Variants in FAM186B observed in about 807,000 individuals in gnomAD.
FAM186B encodes family with sequence similarity 186 member B.
FAM186B carries 68 observed loss-of-function variants against 83.4 expected under a neutral mutation model. The ratio of observed to expected loss-of-function variants is 0.81; its 90% CI spans 0.67 to 1.00. The LOEUF is 1.00. FAM186B is among the 50% of genes least tolerant of loss of function. FAM186B has a pLI of 0.00. For missense variants in FAM186B, 983 were observed against 1,099.2 expected (o/e 0.89, Z 1.49); for synonymous variants, 389 against 422.0 (o/e 0.92, Z 0.96).
chr12:49,620,504 C>T, the FAM186B span, among the ~76,000 whole-genome samples: 3 of 150,480 alleles, frequency 2.0e-5, no homozygotes, highest in South Asian at 4.2e-4. Flanking sequence ...CCCATCTCTA[C>T]TAAAAATACA....
At chr12:49,591,431 C>T (rs1425791472) in intron 5 of FAM186B, among the ~76,000 whole-genome samples, 1 of 152,134 alleles carries the variant, frequency 6.6e-6, no homozygotes, top group East Asian at 1.9e-4. Context: ...GAAAAAGCTG[C>T]CCACCTAGAA....
Position 49,603,224 on chromosome 12 carries a change from A to G in FAM186B, c.466T>C (p.Cys156Arg). The G allele has an allele frequency of 6.2e-7, 1 of 1,614,210 alleles. No homozygotes were observed. Among genetic ancestry groups the G allele is most frequent in the Non-Finnish European group, 8.5e-7 (1 of 1,180,050 alleles). ...TTTTGTCCTTCAATGAGAGTGGAGC[A>G]AAGGGCAGTGAGTGACTCGATGCCT... ...KRGIESLTAL[C>R]STLIEGQKKR... is the part of the protein sequence containing the mutation. Residue 156 changes from cysteine to arginine, a missense_variant, in exon 3 of 7, where the codon TGC becomes CGC. Cys to Arg is a radical substitution (Grantham distance 180, BLOSUM62 -3). Transcript: ENST00000257894.
intron 1 of FAM186B, 67 bp from the exon 2 acceptor site, chr12:49,604,605 C>T (rs1161135460): frequency 1.0e-5 from 14 of 1,387,348 alleles, no homozygotes; most frequent in East Asian, 4.6e-5. Context: ...ATGCTAGCAG[C>T]GTGACCTTGG....
chr12:49,619,026 A>G, the FAM186B span, among the ~76,000 whole-genome samples: 1 of 152,262 alleles, frequency 6.6e-6, no homozygotes, highest in African/African-American at 2.4e-5. Flanking sequence ...AAGGCTTCAG[A>G]CTTCTCATTC....
At chr12:49,605,021 T>C (rs1410370165) in intron 1 of FAM186B, among the ~76,000 whole-genome samples, 1 of 152,136 alleles carries the variant, frequency 6.6e-6, no homozygotes, top group African/African-American at 2.4e-5. Context: ...CCAACCCCTA[T>C]GAACTTCCTG....
At chr12:49,589,686 A>G (rs1220733740) in intron 5 of FAM186B, among the ~76,000 whole-genome samples, 1 of 152,116 alleles carries the variant, frequency 6.6e-6, no homozygotes, top group Non-Finnish European at 1.5e-5. Context: ...CTATATATCT[A>G]TAATAAAGAA....
At chr12:49,588,906 G>A (rs1317868259) in intron 5 of FAM186B, among the ~76,000 whole-genome samples, 1 of 152,228 alleles carries the variant, frequency 6.6e-6, no homozygotes, top group African/African-American at 2.4e-5. Context: ...TGAAACCAGA[G>A]CAGCTGGAAC....
At chr12:49,587,482 TG>T, downstream of FAM186B, 1 of 1,374,142 alleles carries the variant, frequency 7.3e-7, no homozygotes, top group Non-Finnish European at 1.0e-6. Context: ...CTATCTGGTG[TG>T]GGATAGCAAA....
At position 49,588,585 on chromosome 12, in the gene FAM186B, C is replaced by T. The variant is rs759324336; in HGVS notation, c.2403G>A (p.Glu801=). The stretch of plus-strand genomic sequence containing the variant: ...ATTTCTTTGGCTTTGGCGAGGTGAC[C>T]TCAGGGATGTTCAGGTGAACGTTCC... The part of the protein sequence containing the change: ...LEWNVHLNIP[E]VTSPKPKKCK... Residue 801 remains glutamate, a synonymous_variant, in exon 6 of 7, where the codon GAG becomes GAA. Coordinates refer to ENST00000257894, the MANE Select transcript of FAM186B (RefSeq NM_032130.3). 6.2e-6 allele frequency: 10 copies of T among 1,605,724 alleles called. No homozygotes were observed. The highest frequency in any genetic ancestry group is 8.5e-6 in the Non-Finnish European group (10 of 1,174,734).
intron 5 of FAM186B, among the ~76,000 whole-genome samples, chr12:49,596,278 C>A (rs1939721495): frequency 7.9e-6 from 1 of 126,182 alleles, no homozygotes. Context: ...ATAGGCAGAG[C>A]AGGAGTTCAA....
At chr12:49,602,917 C>T (rs372278394) in intron 3 of FAM186B, among the ~76,000 whole-genome samples, 10 of 152,282 alleles carry the variant, frequency 6.6e-5, no homozygotes, top group African/African-American at 2.4e-4. Context: ...CTTTGTTCCT[C>T]AGAACCTACG....
Position 49,598,885 on chromosome 12 carries a change from T to C in FAM186B, c.2234A>G (p.Asn745Ser). Reference protein sequence around the residue: ...KETEASYKAQNLYIFLENIDR... With the variant: ...KETEASYKAQSLYIFLENIDR... ...AATGTTTTCCAGGAAGATGTAGAGGTTCTGGGCCTTGTAGGAAGCCTCCGT... is the reference window on the plus strand; with the variant it reads ...AATGTTTTCCAGGAAGATGTAGAGGCTCTGGGCCTTGTAGGAAGCCTCCGT... Residue 745 changes from asparagine to serine, a missense_variant, in exon 5 of 7, where the codon AAC becomes AGC. Coordinates refer to ENST00000257894, the MANE Select transcript of FAM186B (RefSeq NM_032130.3). The C allele has an allele frequency of 6.2e-7, 1 of 1,613,390 alleles. No homozygotes were observed. The highest frequency in any genetic ancestry group is 2.2e-5 in the East Asian group (1 of 44,804).
intron 5 of FAM186B, 148 bp downstream of exon 5, chr12:49,598,607 G>A (rs1191059248): frequency 1.4e-6 from 1 of 732,962 alleles, no homozygotes. Flanking sequence ...CCCTGGTGCA[G>A]AGGCTTTATC....
chr12:49,616,993 A>G, the FAM186B span, among the ~76,000 whole-genome samples: 1 of 152,186 alleles, frequency 6.6e-6, no homozygotes, highest in Admixed American at 6.5e-5. Context: ...TTCCTTTGTC[A>G]ATGGTGAGTC....
the FAM186B span, among the ~76,000 whole-genome samples, chr12:49,614,586 G>T: frequency 6.6e-6 from 1 of 152,300 alleles, no homozygotes; most frequent in South Asian, 2.1e-4. Flanking sequence ...GGAAGCAGGA[G>T]GGAGAAAAGG....
At chr12:49,603,156 C>T in intron 3 of FAM186B, 29 bp downstream of exon 3, 2 of 1,613,668 alleles carry the variant, frequency 1.2e-6, no homozygotes, top group South Asian at 2.2e-5. Flanking sequence ...CCCCACCTAG[C>T]TCCCTGGCCA....
chr12:49,583,494 G>C (rs1939378304), downstream of FAM186B: 1 of 186,310 alleles, frequency 5.4e-6, no homozygotes. Flanking sequence ...AAACAGCCCA[G>C]GGCCAGCACA....
Position 49,604,268 on chromosome 12 carries a change from C to T in FAM186B, c.322+45G>A, listed in dbSNP as rs771446418. The stretch of plus-strand genomic sequence containing the variant: ...GTGCTGTCCCTGTGCTCGCCACCCA[C>T]ACTCCCCTCCCAGAGGAGGCACGGT... On this transcript the variant is annotated intron_variant, in intron 2 of 6. Coordinates refer to ENST00000257894, the MANE Select transcript of FAM186B (RefSeq NM_032130.3). 1.3e-6 allele frequency: 2 copies of T among 1,519,420 alleles called. 1 individual carries two copies. The allele number at this position is 1,519,420 out of a possible 1,614,324, so 94.1% of individuals were successfully genotyped here.
At chr12:49,601,172 A>C (rs767863970) in intron 3 of FAM186B, 38 bp from the exon 4 acceptor site, 1 of 1,519,348 alleles carries the variant, frequency 6.6e-7, no homozygotes, top group Non-Finnish European at 8.8e-7. Flanking sequence ...ACGATTTCTC[A>C]TGGGTCCCAA....
Sources: allele counts gnomAD v4.1 joint callset (sites outside exome capture counted in the v4.1 genomes callset), GRCh38; gene constraint gnomAD v4.1.1; transcripts MANE v1.5; gene names NCBI Gene and HGNC (gene_info 2026-07-23, HGNC 2026-07-21).